PPIL4: variants seen among roughly 807,000 people sequenced by gnomAD.
The protein encoded by PPIL4 is peptidylprolyl isomerase like 4.
PPIL4 carries 50 observed loss-of-function variants against 69.1 expected under a neutral mutation model. The ratio of observed to expected loss-of-function variants is 0.72; its 90% CI spans 0.58 to 0.92. The LOEUF is 0.92. PPIL4 is among the 40% of genes least tolerant of loss of function. The pLI is 0.00. For synonymous variants in PPIL4, 193 were observed against 191.6 expected (o/e 1.01, Z -0.06); for missense variants, 480 against 587.9 (o/e 0.82, Z 1.90).
chr6:149,534,353 C>T (rs1157510281), intron 6 of PPIL4, among the ~76,000 whole-genome samples: 1 of 152,154 alleles, frequency 6.6e-6, no homozygotes, highest in Non-Finnish European at 1.5e-5. Flanking sequence ...TAGCCTGGCT[C>T]CAGAGTGTCC....
At position 149,505,310 on chromosome 6, in the gene PPIL4, TA is replaced by T; in HGVS notation, c.*142del. On this transcript the variant is annotated 3_prime_UTR_variant, in exon 13 of 13. Coordinates refer to ENST00000253329, the MANE Select transcript of PPIL4 (RefSeq NM_139126.4). ...ATTCTTTATCTTTCCGTGCTCTATA[TA>T]ATCAGTATTAATCTAAAGACCATAA... The T allele has an allele frequency of 1.5e-6, 1 of 684,028 alleles. No individual in the cohort carries two copies. The highest frequency in any genetic ancestry group is 2.4e-6 in the Non-Finnish European group (1 of 409,722). 42.4% of individuals were successfully genotyped at this position (684,028 alleles called of 1,614,324 possible). A position where few individuals can be genotyped will look rare whatever the true frequency, so the allele number is the denominator to read the frequency against.
At chr6:149,538,663 C>T (rs1015476677) in intron 4 of PPIL4, among the ~76,000 whole-genome samples, 1 of 152,076 alleles carries the variant, frequency 6.6e-6, no homozygotes, top group African/African-American at 2.4e-5. Context: ...GATTCCAACC[C>T]TCATGGATGA....
chr6:149,512,471 T>C (rs912797530), intron 11 of PPIL4, among the ~76,000 whole-genome samples, 169 bp from the exon 12 acceptor site: 1 of 152,132 alleles, frequency 6.6e-6, no homozygotes, highest in Non-Finnish European at 1.5e-5. Flanking sequence ...TTTCATTATA[T>C]AGTCAGGAGA....
chr6:149,536,851 T>C (rs1410403048), intron 4 of PPIL4, among the ~76,000 whole-genome samples: 1 of 151,848 alleles, frequency 6.6e-6, no homozygotes, highest in Non-Finnish European at 1.5e-5. Context: ...AGTGGCCAGG[T>C]GCAGTGGCTC....
chr6:149,541,370 A>G lies in PPIL4; in HGVS notation c.200T>C (p.Phe67Ser). The G allele has an allele frequency of 7.5e-7, 1 of 1,339,144 alleles. No homozygotes were observed. Among genetic ancestry groups the G allele is most frequent in the Non-Finnish European group, 9.9e-7 (1 of 1,011,850 alleles). The allele number at this position is 1,339,144 out of a possible 1,614,324, so 83.0% of individuals were successfully genotyped here. The stretch of plus-strand genomic sequence containing the variant: ...ATAAATAAATAAAACAACTTACCCA[A>G]AGATAGACTCTCCTCCACGGCCAGT... ...TGTGRGGESI[F>S]GQLYGDQASF... Residue 67 changes from phenylalanine to serine, a missense_variant, in exon 3 of 13, where the codon TTT becomes TCT. Coordinates refer to ENST00000253329, the MANE Select transcript of PPIL4 (RefSeq NM_139126.4).
At chr6:149,536,425 C>T (rs1488963512) in intron 4 of PPIL4, among the ~76,000 whole-genome samples, 1 of 152,112 alleles carries the variant, frequency 6.6e-6, no homozygotes, top group African/African-American at 2.4e-5. Flanking sequence ...GCCTCTAGTA[C>T]CAAACAATAG....
chr6:149,534,733 G>A lies in PPIL4; in HGVS notation c.506C>T (p.Pro169Leu), dbSNP rs755667221. The A allele has an allele frequency of 1.9e-6, 3 of 1,598,308 alleles. No individual in the cohort carries two copies. Among genetic ancestry groups the A allele is most frequent in the Non-Finnish European group, 2.6e-6 (3 of 1,169,516 alleles). ...TVILDDPFDD[P>L]PDLLIPDRSP... The stretch of plus-strand genomic sequence containing the variant: ...TCGATCAGGGATTAATAAATCAGGA[G>A]GGTCATCAAATGGATCATCTAAAAT... The change falls in exon 6 of 13, where the codon CCT (proline) becomes CTT (leucine). Residue 169 changes from proline to leucine, a missense_variant. Coordinates refer to ENST00000253329, the MANE Select transcript of PPIL4 (RefSeq NM_139126.4).
intron 10 of PPIL4, among the ~76,000 whole-genome samples, chr6:149,518,104 G>A (rs1476749965): frequency 6.6e-6 from 1 of 152,090 alleles, no homozygotes; most frequent in Non-Finnish European, 1.5e-5. Context: ...AGGAGAGGGT[G>A]GGTAATAGCA....
intron 10 of PPIL4, chr6:149,517,864 T>G (rs1172811435): frequency 1.3e-5 from 2 of 157,878 alleles, no homozygotes; most frequent in Non-Finnish European, 2.8e-5. Context: ...AGATAGTGTG[T>G]GCCTGTAATC....
chr6:149,537,314 A>G (rs1340819843), intron 4 of PPIL4, among the ~76,000 whole-genome samples: 1 of 152,200 alleles, frequency 6.6e-6, no homozygotes, highest in African/African-American at 2.4e-5. Context: ...CAAAGCTTCA[A>G]AGACAAGCTG....
intron 7 of PPIL4, among the ~76,000 whole-genome samples, chr6:149,527,220 T>C (rs1227864322): frequency 6.6e-6 from 1 of 152,194 alleles, no homozygotes; most frequent in Non-Finnish European, 1.5e-5. Context: ...TAAACGGGCA[T>C]GGTGGTGTGC....
intron 9 of PPIL4, 121 bp from the exon 10 acceptor site, chr6:149,521,292 C>T: frequency 1.5e-6 from 1 of 650,756 alleles, no homozygotes. Context: ...TTATTACACA[C>T]CCGATGCTGT....
intron 11 of PPIL4, among the ~76,000 whole-genome samples, chr6:149,514,785 T>C (rs1776916262): frequency 6.6e-6 from 1 of 151,952 alleles, no homozygotes. Flanking sequence ...TGTGTGTGTG[T>C]GTGTGAATGT....
rs1777350160 is a variant in PPIL4, at chr6:149,540,970, T to C, written c.293A>G (p.Asn98Ser). The C allele has an allele frequency of 6.2e-7, 1 of 1,608,296 alleles. No individual in the cohort carries two copies. Among genetic ancestry groups the C allele is most frequent in the South Asian group, 1.1e-5 (1 of 90,772 alleles). The change falls in exon 4 of 13, where the codon AAT becomes AGT. Residue 98 changes from asparagine to serine, a missense_variant. By Grantham distance (46) the Asn-to-Ser change is conservative. Transcript: ENST00000253329. The stretch of plus-strand genomic sequence containing the variant: ...AGATCCATGTTGATCACTGCCATTA[T>C]TCACCATGGACACTGTGCCTTTCTT... Reference protein sequence around the residue: ...HKKKGTVSMVNNGSDQHGSQF... With the variant: ...HKKKGTVSMVSNGSDQHGSQF...
At chr6:149,542,246 G>A (rs975034135) in intron 1 of PPIL4, among the ~76,000 whole-genome samples, 6 of 151,746 alleles carry the variant, frequency 4.0e-5, no homozygotes, top group African/African-American at 7.3e-5. Flanking sequence ...AAATGGATAC[G>A]GATTATATCA....
At position 149,533,565 on chromosome 6, in the gene PPIL4, T is replaced by A; in HGVS notation, c.571A>T (p.Ile191Leu). 6.3e-7 allele frequency: 1 copy of A among 1,597,512 alleles called. No individual in the cohort carries two copies. Among genetic ancestry groups the A allele is most frequent in the East Asian group, 2.2e-5 (1 of 44,670 alleles). Residue 191 changes from isoleucine (I) to leucine (L), a missense_variant, in exon 7 of 13, where the codon ATA (isoleucine) becomes TTA (leucine). Coordinates refer to ENST00000253329, the MANE Select transcript of PPIL4 (RefSeq NM_139126.4). ...PTREQLDSGRIGADEEIDDFK... is the reference protein window; with the variant it reads ...PTREQLDSGRLGADEEIDDFK... ...TCATCAATTTCTTCATCTGCTCCTA[T>A]TCGACCACTCTGTTAAGACAGAAGT...
chr6:149,529,505 G>A (rs1449276772), intron 7 of PPIL4, among the ~76,000 whole-genome samples: 1 of 151,912 alleles, frequency 6.6e-6, no homozygotes, highest in Non-Finnish European at 1.5e-5. Flanking sequence ...GACTCATGCT[G>A]TAATCCCAGC....
rs183145426 is a variant in PPIL4, at chr6:149,511,502, T to C, written c.1227+653A>G. ...GTTGCCCAGGCTGGTCTCCAACTCT[T>C]AAGCTCAAGCGATCTACCTGCCTCG... On this transcript the variant is annotated intron_variant, in intron 12 of 12. Transcript: ENST00000253329. Among the ~76,000 whole-genome samples the C allele has an allele frequency of 2.1e-3, 313 of 152,094 alleles. 2 individuals carry two copies. Among genetic ancestry groups the C allele is most frequent in the African/African-American group, 7.2e-3 (298 of 41,492 alleles).
chr6:149,526,604 T>A, intron 8 of PPIL4, 48 bp downstream of exon 8: 6 of 1,540,214 alleles, frequency 3.9e-6, no homozygotes, highest in Non-Finnish European at 5.3e-6. Context: ...AACCACCAAC[T>A]GATACCTAGT....
Sources: gnomAD v4.1 joint callset for allele counts (sites outside exome capture counted in the v4.1 genomes callset) on GRCh38, gnomAD v4.1.1 for gene constraint, MANE v1.5 for transcripts, NCBI Gene and HGNC (gene_info 2026-07-23, HGNC 2026-07-21) for gene names.